The following NKAIN2 variants were observed in gnomAD, a reference collection of about 807,000 sequenced individuals.
NKAIN2 encodes sodium/potassium-transporting ATPase subunit beta-1-interacting protein 2.
In NKAIN2, 14 loss-of-function variants were observed where a neutral mutation model predicts 32.6. The ratio of observed to expected loss-of-function variants is 0.43; its 90% CI spans 0.28 to 0.67. NKAIN2 has a LOEUF of 0.67. Ranked by LOEUF, NKAIN2 falls within the 30% of genes least tolerant of loss-of-function variation. The probability of loss-of-function intolerance (pLI) is 0.17; values close to 1 mark genes in which losing one functional copy is unlikely to be tolerated. For missense variants in NKAIN2, 198 were observed against 258.3 expected, an observed-to-expected ratio of 0.77 and a Z score of 1.60; for synonymous variants, 80 against 87.2, an observed-to-expected ratio of 0.92 and a Z score of 0.46.
intron 2 of NKAIN2, among the ~76,000 whole-genome samples, chr6:124,331,444 G>C (rs1377154864): frequency 6.7e-6 from 1 of 149,080 alleles, no homozygotes; most frequent in Non-Finnish European, 1.5e-5. Flanking sequence ...CAGGAGAATG[G>C]CGTGAACCTG....
chr6:124,559,164 C>T (rs1298861695), intron 3 of NKAIN2, among the ~76,000 whole-genome samples: 6 of 152,036 alleles, frequency 3.9e-5, no homozygotes, highest in Non-Finnish European at 7.4e-5. Context: ...CTTGAAGTAG[C>T]AAGGTGGGGT....
intron 1 of NKAIN2, among the ~76,000 whole-genome samples, chr6:123,963,385 G>A (rs952421951): frequency 6.6e-6 from 1 of 152,100 alleles, no homozygotes; most frequent in African/African-American, 2.4e-5. Flanking sequence ...CAGCTCAAAC[G>A]CCATTGGAAT....
chr6:124,478,340 C>T (rs755230852), intron 3 of NKAIN2, among the ~76,000 whole-genome samples: 1 of 152,212 alleles, frequency 6.6e-6, no homozygotes, highest in Non-Finnish European at 1.5e-5. Context: ...ACCCAGTATG[C>T]AGACCTTTCT....
intron 3 of NKAIN2, among the ~76,000 whole-genome samples, chr6:124,495,775 G>T (rs957806301): frequency 6.6e-6 from 1 of 152,114 alleles, no homozygotes; most frequent in African/African-American, 2.4e-5. Context: ...GTCAGCTTCA[G>T]CATTCCAGGA....
intron 2 of NKAIN2, among the ~76,000 whole-genome samples, chr6:124,320,420 A>G (rs1797127577): frequency 6.6e-6 from 1 of 152,170 alleles, no homozygotes; most frequent in Admixed American, 6.5e-5. Context: ...GAATAATGAC[A>G]TTTTGCAACA....
chr6:124,687,765 CACACACACACACACACAT>C (rs1271858941), intron 4 of NKAIN2, among the ~76,000 whole-genome samples: 12 of 143,718 alleles, frequency 8.3e-5, no homozygotes, highest in East Asian at 2.0e-4. Context: ...CACACACACA[CACACACACACACACACAT>C]ACTGTTCTAT....
chr6:124,573,885 T>TTG (rs1331261237), intron 3 of NKAIN2, among the ~76,000 whole-genome samples: 1 of 152,188 alleles, frequency 6.6e-6, no homozygotes, highest in African/African-American at 2.4e-5. Flanking sequence ...GAAAAACCAC[T>TTG]TGTGTATTCC....
intron 1 of NKAIN2, among the ~76,000 whole-genome samples, chr6:124,167,516 C>T (rs934007667): frequency 2.6e-5 from 4 of 152,118 alleles, no homozygotes; most frequent in African/African-American, 9.7e-5. Flanking sequence ...TTATTTCCTT[C>T]TCCTGCCTGA....
chr6:124,344,293 T>G (rs1798291332), intron 2 of NKAIN2, among the ~76,000 whole-genome samples: 1 of 152,136 alleles, frequency 6.6e-6, no homozygotes, highest in Non-Finnish European at 1.5e-5. Flanking sequence ...TCTTTTGGCT[T>G]AGGATTCACT....
At chr6:123,896,852 AC>A (rs1201527934) in intron 1 of NKAIN2, among the ~76,000 whole-genome samples, 6 of 152,152 alleles carry the variant, frequency 3.9e-5, no homozygotes, top group African/African-American at 1.4e-4. Context: ...TAACTTAGAT[AC>A]TTTTTTCATA....
chr6:123,951,972 G>A (rs888550872), intron 1 of NKAIN2, among the ~76,000 whole-genome samples: 4 of 150,134 alleles, frequency 2.7e-5, no homozygotes, highest in Admixed American at 6.6e-5. Flanking sequence ...TTCTTTGTTT[G>A]TGTGTTTGCT....
intron 3 of NKAIN2, among the ~76,000 whole-genome samples, chr6:124,370,046 T>C (rs917258548): frequency 3.3e-5 from 5 of 151,744 alleles, no homozygotes; most frequent in Non-Finnish European, 7.4e-5. Flanking sequence ...AGTGACTGTT[T>C]TTCATGCCTT....
At chr6:124,272,868 A>G (rs1445704174) in intron 1 of NKAIN2, among the ~76,000 whole-genome samples, 3 of 152,190 alleles carry the variant, frequency 2.0e-5, no homozygotes, top group Admixed American at 6.5e-5. Context: ...CTTTACAATT[A>G]AATTACAGCC....
At position 124,472,501 on chromosome 6, in the gene NKAIN2, A is replaced by G. The variant is rs1777014039; in HGVS notation, c.273+117154A>G. Among the ~76,000 whole-genome samples the G allele has an allele frequency of 2.0e-5, 3 of 152,094 alleles. No homozygotes were observed. In the South Asian group the frequency reaches 6.2e-4, roughly 32 times the overall value. ...GGTACACAGGCCTTTGGGAGCACAC[A>G]TAGAACAAGAGCATCTCACCAGGAA... On this transcript the variant is annotated intron_variant, in intron 3 of 6. Transcript: ENST00000368417.
intron 3 of NKAIN2, among the ~76,000 whole-genome samples, chr6:124,564,254 T>G (rs1780813722): frequency 6.7e-6 from 1 of 149,554 alleles, no homozygotes; most frequent in Non-Finnish European, 1.5e-5. Flanking sequence ...TCTGTAAAAA[T>G]GCAGCAATCA....
chr6:124,235,702 G>A (rs1792715331), intron 1 of NKAIN2, among the ~76,000 whole-genome samples: 2 of 151,302 alleles, frequency 1.3e-5, no homozygotes, highest in Admixed American at 6.6e-5. Context: ...AGGTTCAAGC[G>A]ATTCTCCTGC....
At chr6:123,975,674 G>A (rs1778532843) in intron 1 of NKAIN2, among the ~76,000 whole-genome samples, 1 of 152,062 alleles carries the variant, frequency 6.6e-6, no homozygotes, top group African/African-American at 2.4e-5. Context: ...CCTCATAAGT[G>A]GCACCTTCTT....
At chr6:124,713,052 C>A (rs28576250) in intron 4 of NKAIN2, among the ~76,000 whole-genome samples, 30,046 of 151,780 alleles carry the variant, frequency 0.2, 3,297 homozygotes, top group East Asian at 0.43. Context: ...TGTTGAATGA[C>A]AGAGTAAACA....
intron 3 of NKAIN2, among the ~76,000 whole-genome samples, chr6:124,463,097 A>T (rs979073211): frequency 6.6e-6 from 1 of 152,088 alleles, no homozygotes; most frequent in Non-Finnish European, 1.5e-5. Context: ...ATCAGTTACC[A>T]TTCAAAAGGA....
Sources: allele counts gnomAD v4.1 joint callset (sites outside exome capture counted in the v4.1 genomes callset), GRCh38; gene constraint gnomAD v4.1.1; transcripts MANE v1.5; gene names NCBI Gene and HGNC (gene_info 2026-07-23, HGNC 2026-07-21).